FGD6: variants seen among roughly 807,000 people sequenced by gnomAD.
The protein encoded by FGD6 is FYVE, RhoGEF and PH domain-containing protein 6.
A neutral mutation model predicts 149.4 loss-of-function variants in FGD6; 90 were observed. That is an observed-to-expected ratio of 0.60 (90% CI 0.51 to 0.72). The LOEUF (loss-of-function observed/expected upper bound fraction) is 0.72, where lower values mean the gene tolerates loss of function less well. Among genes scored for constraint, FGD6 ranks in the 30% least tolerant of loss-of-function variants. The probability of loss-of-function intolerance (pLI) is 0.00; values close to 1 mark genes in which losing one functional copy is unlikely to be tolerated. For synonymous variants in FGD6, 527 were observed against 584.0 expected, an observed-to-expected ratio of 0.90 and a Z score of 1.41; for missense variants, 1,437 against 1,684.8, an observed-to-expected ratio of 0.85 and a Z score of 2.57.
At chr12:95,166,237 T>C (rs887659737) in intron 3 of FGD6, among the ~76,000 whole-genome samples, 1 of 152,162 alleles carries the variant, frequency 6.6e-6, no homozygotes, top group Non-Finnish European at 1.5e-5. Context: ...TTTTCCTGAG[T>C]TGCTAGAAAG....
At chr12:95,174,290 T>A (rs769470093) in intron 2 of FGD6, among the ~76,000 whole-genome samples, 1 of 152,140 alleles carries the variant, frequency 6.6e-6, no homozygotes, top group Non-Finnish European at 1.5e-5. Context: ...GTTAACAGGG[T>A]GGACAGACTA....
In FGD6 at chr12:95,083,032, CACACACAT is replaced by C. The variant is rs1565890859; in HGVS notation, c.4256+1458_4256+1465del. Among the ~76,000 whole-genome samples, 59 of 73,900 alleles carry C rather than the reference CACACACAT, an allele frequency of 8.0e-4. 2 individuals are homozygous for C. The highest frequency in any genetic ancestry group is 3.0e-3 in the African/African-American group (53 of 17,546). The allele number at this position is 73,900 out of a possible 152,430, so 48.5% of individuals were successfully genotyped here. A position where few individuals can be genotyped will look rare whatever the true frequency, so the allele number is the denominator to read the frequency against. ...AAAAAAATATATATATATATATATACACACACATACACACACACACACACACACACAGA... is the reference window on the plus strand; with the variant it reads ...AAAAAAATATATATATATATATATACACACACACACACACACACACACAGA... On this transcript the variant is annotated intron_variant, in intron 20 of 20. Transcript: ENST00000343958.
intron 17 of FGD6, among the ~76,000 whole-genome samples, chr12:95,090,386 T>C (rs112062808): frequency 6.6e-6 from 1 of 152,210 alleles, no homozygotes; most frequent in Middle Eastern, 3.4e-3. Context: ...TTTGGAAAAA[T>C]AGATTATATC....
At chr12:95,084,246 C>T (rs983096139) in intron 20 of FGD6, among the ~76,000 whole-genome samples, 2 of 152,188 alleles carry the variant, frequency 1.3e-5, no homozygotes, top group Admixed American at 6.6e-5. Context: ...TCTGAGATCA[C>T]GTGTAGATAA....
intron 16 of FGD6, among the ~76,000 whole-genome samples, chr12:95,092,252 A>G (rs1878080512): frequency 6.6e-6 from 1 of 152,048 alleles, no homozygotes; most frequent in African/African-American, 2.4e-5. Context: ...TTTTAGAGTG[A>G]CTCTCTGATG....
chr12:95,126,445 A>C, intron 8 of FGD6: 19 of 975,452 alleles, frequency 1.9e-5, no homozygotes, highest in Admixed American at 3.3e-5. Flanking sequence ...ACAAAAAACA[A>C]AGGCCAGCCA....
chr12:95,106,579 C>G (rs796978823), intron 13 of FGD6, among the ~76,000 whole-genome samples: 49 of 152,176 alleles, frequency 3.2e-4, no homozygotes, highest in African/African-American at 1.2e-3. Context: ...AGCCACCACA[C>G]TGACCTTATT....
At chr12:95,086,604 A>C (rs1877877088) in intron 18 of FGD6, among the ~76,000 whole-genome samples, 1 of 133,222 alleles carries the variant, frequency 7.5e-6, no homozygotes, top group African/African-American at 2.9e-5. Flanking sequence ...CAGTGGCCCG[A>C]TCTCAGCTCA....
At chr12:95,164,100 A>G (rs1880723872) in intron 3 of FGD6, among the ~76,000 whole-genome samples, 1 of 152,266 alleles carries the variant, frequency 6.6e-6, no homozygotes, top group South Asian at 2.1e-4. Context: ...AAGTTGAAAC[A>G]TGAGCCACAA....
chr12:95,094,752 C>G (rs1878183744), intron 14 of FGD6, 58 bp from the exon 15 acceptor site: 2 of 1,296,556 alleles, frequency 1.5e-6, no homozygotes, highest in Non-Finnish European at 2.2e-6. Context: ...TTTCCTTTTT[C>G]TTCTTTTCTT....
intron 2 of FGD6, among the ~76,000 whole-genome samples, chr12:95,199,476 A>T (rs1299083049): frequency 2.0e-5 from 3 of 152,196 alleles, no homozygotes; most frequent in Non-Finnish European, 4.4e-5. Context: ...CAAGCAAATC[A>T]TACCTGGACT....
At chr12:95,158,862 AAATAATAAT>A (rs59224007) in intron 3 of FGD6, among the ~76,000 whole-genome samples, 1 of 150,282 alleles carries the variant, frequency 6.7e-6, no homozygotes, top group East Asian at 1.9e-4. Flanking sequence ...TCGTTAGTAA[AAATAATAAT>A]AATAATAATA....
chr12:95,107,528 C>T (rs748335167), intron 12 of FGD6, 35 bp downstream of exon 12: 1 of 1,609,470 alleles, frequency 6.2e-7, no homozygotes, highest in Non-Finnish European at 8.5e-7. Flanking sequence ...ACTATCCCTA[C>T]CTCGGCCACA....
rs141942970 is a variant in FGD6, at chr12:95,091,027, G to A, written c.3850+680C>T. Among the ~76,000 whole-genome samples, 1,085 of 152,270 alleles carry A rather than the reference G, an allele frequency of 7.1e-3. 12 individuals are homozygous for A. Among genetic ancestry groups the A allele is most frequent in the African/African-American group, 0.023 (969 of 41,548 alleles). On this transcript the variant is annotated intron_variant, in intron 17 of 20. Transcript: ENST00000343958. ...TGAGGTACGAGAATCGCTTGAACCC[G>A]AGAGGCAGAGGTTGCATATTGTGTC...
chr12:95,204,297 T>C (rs1952065575), intron 2 of FGD6, among the ~76,000 whole-genome samples: 2 of 152,174 alleles, frequency 1.3e-5, no homozygotes, highest in Non-Finnish European at 1.5e-5. Context: ...CTCTGGGGTT[T>C]CTCAGTGCCA....
chr12:95,116,560 C>T (rs1194387239), intron 8 of FGD6, among the ~76,000 whole-genome samples: 1 of 152,184 alleles, frequency 6.6e-6, no homozygotes, highest in East Asian at 1.9e-4. Flanking sequence ...TTCTAAGTTG[C>T]ATTTTCTTTG....
chr12:95,148,805 T>C (rs62645668), intron 5 of FGD6, among the ~76,000 whole-genome samples: 2,995 of 54,994 alleles, frequency 0.054, 756 homozygotes, highest in African/African-American at 0.11. Context: ...TAGCATATGT[T>C]ATATTACATA....
intron 8 of FGD6, among the ~76,000 whole-genome samples, chr12:95,114,343 T>C (rs535771553): frequency 1.3e-5 from 2 of 151,926 alleles, no homozygotes; most frequent in Admixed American, 1.3e-4. Context: ...CGGTGGCTGA[T>C]GCCTGTAATC....
chr12:95,169,985 G>C (rs1035396919), intron 3 of FGD6, among the ~76,000 whole-genome samples: 4 of 151,968 alleles, frequency 2.6e-5, no homozygotes, highest in African/African-American at 9.7e-5. Context: ...GCCAGGTATG[G>C]TGGTGGGTGC....
Sources: gnomAD v4.1 joint callset for allele counts (sites outside exome capture counted in the v4.1 genomes callset) on GRCh38, gnomAD v4.1.1 for gene constraint, MANE v1.5 for transcripts, NCBI Gene and HGNC (gene_info 2026-07-23, HGNC 2026-07-21) for gene names.